TUSC3: variants seen among roughly 807,000 people sequenced by gnomAD.
TUSC3 encodes the protein tumor suppressor candidate 3.
A neutral mutation model predicts 44.8 loss-of-function variants in TUSC3; 45 were observed. The ratio of observed to expected loss-of-function variants is 1.00; its 90% confidence interval spans 0.79 to 1.29. The LOEUF is 1.29. Among genes scored for constraint, TUSC3 ranks in the 50% most tolerant of loss-of-function variants. TUSC3 has a pLI of 0.00. For synonymous variants in TUSC3, 212 were observed against 152.9 expected, an observed-to-expected ratio of 1.39 and a Z score of -2.85; for missense variants, 519 against 437.9, an observed-to-expected ratio of 1.19 and a Z score of -1.65.
chr8:15,600,871 A>C (rs755912397), intron 1 of TUSC3, among the ~76,000 whole-genome samples: 46 of 151,744 alleles, frequency 3.0e-4, no homozygotes, highest in Non-Finnish European at 4.6e-4. Flanking sequence ...AAAATTGCTT[A>C]ATAACGATAG....
chr8:15,784,691 T>TACA, the TUSC3 span, among the ~76,000 whole-genome samples: 11 of 152,058 alleles, frequency 7.2e-5, no homozygotes, highest in African/African-American at 2.4e-4. Flanking sequence ...TGATTTCACT[T>TACA]ACATGTGAAA....
chr8:15,610,237 A>G (rs1019302428), intron 1 of TUSC3, among the ~76,000 whole-genome samples: 1 of 152,130 alleles, frequency 6.6e-6, no homozygotes, highest in Admixed American at 6.5e-5. Context: ...ACATTCATTG[A>G]TCCGATTTTG....
At chr8:15,677,825 C>T (rs1175097269) in intron 6 of TUSC3, among the ~76,000 whole-genome samples, 2 of 152,096 alleles carry the variant, frequency 1.3e-5, no homozygotes, top group African/African-American at 2.4e-5. Context: ...AGAAGGGTGC[C>T]ATGGGTGGGA....
the TUSC3 span, among the ~76,000 whole-genome samples, chr8:15,847,563 A>G: frequency 1.3e-5 from 2 of 152,120 alleles, no homozygotes; most frequent in East Asian, 3.9e-4. Context: ...CCCCTCTCAA[A>G]TGGCAGGCTG....
At chr8:15,828,894 C>G in the TUSC3 span, among the ~76,000 whole-genome samples, 2 of 152,050 alleles carry the variant, frequency 1.3e-5, no homozygotes, top group Non-Finnish European at 2.9e-5. Flanking sequence ...GGAAGCCAAG[C>G]AAACAAATGT....
At chr8:15,638,901 GTGA>G (rs1218526420) in intron 2 of TUSC3, among the ~76,000 whole-genome samples, 31 of 151,764 alleles carry the variant, frequency 2.0e-4, no homozygotes, top group African/African-American at 5.3e-4. Context: ...CAGGGCTTCA[GTGA>G]TGATGATCAT....
intron 7 of TUSC3, among the ~76,000 whole-genome samples, chr8:15,741,189 A>C (rs7827167): frequency 0.4 from 60,604 of 151,892 alleles, 12,682 homozygotes; most frequent in East Asian, 0.64. Flanking sequence ...ATAAAATTTG[A>C]CCCTAAGAAC....
chr8:15,809,559 T>C, the TUSC3 span, among the ~76,000 whole-genome samples: 1 of 152,220 alleles, frequency 6.6e-6, no homozygotes, highest in Non-Finnish European at 1.5e-5. Flanking sequence ...CCTATACATA[T>C]ATACTTAAAA....
the TUSC3 span, among the ~76,000 whole-genome samples, chr8:15,775,683 CATATGTACACACACACATATATACAT>C: frequency 1.2e-4 from 15 of 120,302 alleles, no homozygotes; most frequent in Non-Finnish European, 2.5e-4. Context: ...CACATAAATA[CATATGTACACACACACATATATACAT>C]ATATATACAC....
At chr8:15,610,383 G>A (rs948093099) in intron 1 of TUSC3, among the ~76,000 whole-genome samples, 1 of 152,034 alleles carries the variant, frequency 6.6e-6, no homozygotes, top group African/African-American at 2.4e-5. Context: ...AGTTTCTCAT[G>A]GAGAAACATT....
At chr8:15,648,755 AAGAC>A (rs1806749755) in intron 2 of TUSC3, among the ~76,000 whole-genome samples, 2 of 141,574 alleles carry the variant, frequency 1.4e-5, no homozygotes, top group African/African-American at 5.2e-5. Context: ...AAAAAAAAAA[AAGAC>A]ATCTCCTGTT....
intron 1 of TUSC3, among the ~76,000 whole-genome samples, chr8:15,621,625 ATATATAGATAAATC>A (rs1414954743): frequency 2.2e-4 from 32 of 148,068 alleles, no homozygotes; most frequent in Admixed American, 4.1e-4. Flanking sequence ...CATAAATATT[ATATATAGATAAATC>A]TATATAGATA....
At chr8:15,819,675 A>G in the TUSC3 span, among the ~76,000 whole-genome samples, 1 of 152,218 alleles carries the variant, frequency 6.6e-6, no homozygotes, top group South Asian at 2.1e-4. Context: ...TTAAAAGTTA[A>G]TGAAACTTTC....
chr8:15,463,472 C>T (rs888238142), intron 1 of TUSC3, among the ~76,000 whole-genome samples: 1 of 152,020 alleles, frequency 6.6e-6, no homozygotes, highest in Non-Finnish European at 1.5e-5. Flanking sequence ...ACCTAATAAA[C>T]TCACCTGATT....
intron 2 of TUSC3, among the ~76,000 whole-genome samples, chr8:15,646,148 T>A (rs1439547611): frequency 6.6e-6 from 1 of 152,142 alleles, no homozygotes; most frequent in African/African-American, 2.4e-5. Context: ...ATTGTAAGTA[T>A]AGTGATTTGA....
intron 6 of TUSC3, among the ~76,000 whole-genome samples, chr8:15,706,344 G>C (rs1258091674): frequency 6.6e-6 from 1 of 151,994 alleles, no homozygotes. Context: ...CTTTTCAAGA[G>C]CAGCATTCTA....
chr8:15,804,330 T>C, the TUSC3 span, among the ~76,000 whole-genome samples: 1 of 152,214 alleles, frequency 6.6e-6, no homozygotes, highest in Non-Finnish European at 1.5e-5. Flanking sequence ...AGAAGCTCTT[T>C]AATTATGTCC....
intron 1 of TUSC3, among the ~76,000 whole-genome samples, chr8:15,420,344 A>G (rs539887714): frequency 6.6e-6 from 1 of 152,108 alleles, no homozygotes; most frequent in Admixed American, 6.5e-5. Context: ...TAAAAATAAA[A>G]AAAAATTAGC....
At chr8:15,631,494 A>G (rs912932613) in intron 2 of TUSC3, among the ~76,000 whole-genome samples, 2 of 152,112 alleles carry the variant, frequency 1.3e-5, no homozygotes, top group Admixed American at 6.5e-5. Flanking sequence ...CACCTGTGCT[A>G]CCCTTTACCA....
Sources: allele counts gnomAD v4.1 joint callset (sites outside exome capture counted in the v4.1 genomes callset), GRCh38; gene constraint gnomAD v4.1.1; transcripts MANE v1.5; gene names NCBI Gene and HGNC (gene_info 2026-07-23, HGNC 2026-07-21).